Variants in TEX2 observed in about 807,000 individuals in gnomAD.
TEX2 encodes the protein testis expressed 2.
In TEX2, 53 loss-of-function variants were observed where a neutral mutation model predicts 106.9. The observed-to-expected ratio is 0.50, with a 90% CI of 0.40 to 0.62. The LOEUF is 0.62. TEX2 is among the 20% of genes least tolerant of loss of function. The probability of loss-of-function intolerance (pLI) is 0.00; values close to 1 mark genes in which losing one functional copy is unlikely to be tolerated. For missense variants in TEX2, 1,207 were observed against 1,379.0 expected (o/e 0.88, Z 1.98); for synonymous variants, 523 against 534.8 (o/e 0.98, Z 0.30).
At chr17:64,178,755 C>T (rs1164765402) in intron 5 of TEX2, among the ~76,000 whole-genome samples, 1 of 152,204 alleles carries the variant, frequency 6.6e-6, no homozygotes, top group Non-Finnish European at 1.5e-5. Flanking sequence ...TCTGTTCTGC[C>T]CTCATGGGCT....
chr17:64,186,658 A>C (rs182495297), intron 5 of TEX2, among the ~76,000 whole-genome samples: 2 of 152,230 alleles, frequency 1.3e-5, no homozygotes, highest in Admixed American at 1.3e-4. Flanking sequence ...CTCTACAAAA[A>C]ATACAAAAAT....
chr17:64,182,119 C>T (rs934057665), intron 5 of TEX2, among the ~76,000 whole-genome samples: 2 of 152,068 alleles, frequency 1.3e-5, no homozygotes, highest in African/African-American at 4.8e-5. Flanking sequence ...AAATGGCGTA[C>T]GTACACAATG....
chr17:64,148,587 C>T lies in TEX2; in HGVS notation c.*382G>A, dbSNP rs779847774. On this transcript the variant is annotated 3_prime_UTR_variant, in exon 12 of 12. Coordinates refer to ENST00000584379, the MANE Select transcript of TEX2 (RefSeq NM_001288732.2). ...AGAAGTGAAAAAGTCCACTGTGCAC[C>T]GGCTGCCTGAAGAAAAGCTTTGGAG... 20 of 185,702 alleles carry T rather than the reference C, an allele frequency of 1.1e-4. No individual in the cohort carries two copies. Among genetic ancestry groups the T allele is most frequent in the African/African-American group, 1.7e-4 (7 of 42,120 alleles). 11.5% of individuals were successfully genotyped at this position (185,702 alleles called of 1,614,324 possible). A position where few individuals can be genotyped will look rare whatever the true frequency, so the allele number is the denominator to read the frequency against.
At chr17:64,177,612 A>C (rs1485506586) in intron 5 of TEX2, 141 bp from the exon 6 acceptor site, 1 of 857,454 alleles carries the variant, frequency 1.2e-6, no homozygotes, top group African/African-American at 1.7e-5. Flanking sequence ...ATAAATTACA[A>C]GTCCCACATT....
rs150540715 is a variant in TEX2, at chr17:64,238,027, C to T, written c.-25-23785G>A. Among the ~76,000 whole-genome samples, 263 of 152,276 alleles carry T rather than the reference C, an allele frequency of 1.7e-3. 2 individuals carry two copies. The highest frequency in any genetic ancestry group is 6.1e-3 in the African/African-American group (254 of 41,548). ...TATAATAAAAACAATTTCAGCCAGGCGCGGTGGTTCATGCCTGTAATCCTG... is the reference window on the plus strand; with the variant it reads ...TATAATAAAAACAATTTCAGCCAGGTGCGGTGGTTCATGCCTGTAATCCTG... On this transcript the variant is annotated intron_variant, in intron 1 of 11. Coordinates refer to ENST00000584379, the MANE Select transcript of TEX2 (RefSeq NM_001288732.2).
At position 64,178,548 on chromosome 17, in the gene TEX2, C is replaced by G. The variant is rs570754268; in HGVS notation, c.2425-1077G>C. Among the ~76,000 whole-genome samples the G allele has an allele frequency of 2.0e-5, 3 of 152,252 alleles. No individual in the cohort carries two copies. The East Asian group carries it at 5.8e-4, about 29-fold the overall frequency. On this transcript the variant is annotated intron_variant, in intron 5 of 11. Coordinates refer to ENST00000584379, the MANE Select transcript of TEX2 (RefSeq NM_001288732.2). ...TCTCCCATCCTCTATCTGCTCTGTC[C>G]TGTGTGTGGCGGTGGGGGTGGGGGA...
rs2032376040 is a variant in TEX2, at chr17:64,193,721, G to T, written c.2014C>A (p.Pro672Thr). ...AEGSEDPKKPPRPQEGTRSSQ... is the reference protein window; with the variant it reads ...AEGSEDPKKPTRPQEGTRSSQ... Reference sequence around the variant, plus strand: ...GATCTTGTTCCCTCCTGAGGGCGGGGTGGCTTCTTAGGGTCCTCACTTCCC... The same window carrying T: ...GATCTTGTTCCCTCCTGAGGGCGGGTTGGCTTCTTAGGGTCCTCACTTCCC... Residue 672 changes from proline to threonine, a missense_variant, in exon 4 of 12, where the codon CCC becomes ACC. Coordinates refer to ENST00000584379, the MANE Select transcript of TEX2 (RefSeq NM_001288732.2). 1.9e-6 allele frequency: 3 copies of T among 1,613,236 alleles called. No homozygotes were observed. In the East Asian group the frequency reaches 6.7e-5, roughly 36 times the overall value.
chr17:64,257,822 G>GA, intron 1 of TEX2, among the ~76,000 whole-genome samples: 1 of 151,910 alleles, frequency 6.6e-6, no homozygotes, highest in South Asian at 2.1e-4. Flanking sequence ...CTTAGGAAAG[G>GA]AAAAAATCTT....
intron 1 of TEX2, among the ~76,000 whole-genome samples, chr17:64,218,169 C>A (rs2033241219): frequency 6.6e-6 from 1 of 152,060 alleles, no homozygotes; most frequent in Non-Finnish European, 1.5e-5. Context: ...TTGCTTGAAT[C>A]CATGAAACAG....
intron 1 of TEX2, among the ~76,000 whole-genome samples, chr17:64,242,991 C>T (rs370271254): frequency 6.6e-5 from 10 of 151,518 alleles, no homozygotes; most frequent in African/African-American, 2.4e-4. Context: ...TGCAGTGGCA[C>T]GATCTCAGCT....
At chr17:64,193,483 C>T in intron 4 of TEX2, 76 bp downstream of exon 4, 1 of 1,255,600 alleles carries the variant, frequency 8.0e-7, no homozygotes. Context: ...TTCCTTCCTT[C>T]CTACCTGGCA....
chr17:64,187,791 C>T (rs1250703715), intron 5 of TEX2, among the ~76,000 whole-genome samples: 1 of 152,172 alleles, frequency 6.6e-6, no homozygotes, highest in Non-Finnish European at 1.5e-5. Flanking sequence ...TGGCTCACTC[C>T]CCCGTGACCA....
chr17:64,248,907 T>C (rs553127257), intron 1 of TEX2, among the ~76,000 whole-genome samples: 1 of 152,078 alleles, frequency 6.6e-6, no homozygotes, highest in African/African-American at 2.4e-5. Context: ...TGGTGGTGCA[T>C]GCCTGTAATC....
chr17:64,203,200 G>A (rs562696057), intron 2 of TEX2, among the ~76,000 whole-genome samples: 14 of 152,304 alleles, frequency 9.2e-5, no homozygotes, highest in African/African-American at 2.9e-4. Flanking sequence ...ATAGCCCGAG[G>A]AAGTGATGAG....
intron 1 of TEX2, among the ~76,000 whole-genome samples, chr17:64,242,840 C>T (rs782074218): frequency 2.0e-5 from 3 of 151,906 alleles, no homozygotes; most frequent in Admixed American, 1.3e-4. Flanking sequence ...GATCCCAACA[C>T]GTTTGGAAGC....
intron 1 of TEX2, among the ~76,000 whole-genome samples, chr17:64,260,615 G>C (rs975872507): frequency 6.6e-6 from 1 of 152,186 alleles, no homozygotes; most frequent in Non-Finnish European, 1.5e-5. Flanking sequence ...CTCCATTAGA[G>C]GGCTGCTCTA....
At chr17:64,167,664 T>G (rs901539457) in intron 7 of TEX2, among the ~76,000 whole-genome samples, 1 of 152,010 alleles carries the variant, frequency 6.6e-6, no homozygotes, top group Non-Finnish European at 1.5e-5. Flanking sequence ...ACTAAAAATA[T>G]AAAAATTAGC....
At position 64,243,878 on chromosome 17, in the gene TEX2, G is replaced by A. The variant is rs191897903; in HGVS notation, c.-26+19290C>T. ...GGTTGGAGTGCAGTGGTGGGATCTC[G>A]GCTCACTACAACCTCCACCTCCCGG... On this transcript the variant is annotated intron_variant, in intron 1 of 11. Coordinates refer to ENST00000584379, the MANE Select transcript of TEX2 (RefSeq NM_001288732.2). Among the ~76,000 whole-genome samples the A allele has an allele frequency of 3.3e-3, 489 of 148,088 alleles. 2 individuals are homozygous for A. Among genetic ancestry groups the A allele is most frequent in the African/African-American group, 0.012 (471 of 39,934 alleles).
At chr17:64,196,982 A>ATTT (rs59960456) in intron 2 of TEX2, among the ~76,000 whole-genome samples, 1,217 of 63,484 alleles carry the variant, frequency 0.019, 48 homozygotes, top group African/African-American at 0.034. Flanking sequence ...TCAAATCAAG[A>ATTT]TTTTTTTTTT....
Sources: gnomAD v4.1 joint callset for allele counts (sites outside exome capture counted in the v4.1 genomes callset) on GRCh38, gnomAD v4.1.1 for gene constraint, MANE v1.5 for transcripts, NCBI Gene and HGNC (gene_info 2026-07-23, HGNC 2026-07-21) for gene names.